The following ABR variants were observed in gnomAD, a reference collection of about 807,000 sequenced individuals.
The protein encoded by ABR is active breakpoint cluster region-related protein.
ABR carries 35 observed loss-of-function variants against 107.2 expected under a neutral mutation model. The observed-to-expected ratio is 0.33, with a 90% confidence interval of 0.25 to 0.43. The LOEUF is 0.43. ABR is among the 20% of genes least tolerant of loss of function. The probability of loss-of-function intolerance (pLI) is 1.00; values close to 1 mark genes in which losing one functional copy is unlikely to be tolerated. For synonymous variants in ABR, 498 were observed against 462.0 expected, an observed-to-expected ratio of 1.08 and a Z score of -1.00; for missense variants, 815 against 1,115.2, an observed-to-expected ratio of 0.73 and a Z score of 3.83.
At position 1,050,620 on chromosome 17, in the gene ABR, G is replaced by A. The variant is rs1182837322; in HGVS notation, c.1576C>T (p.Leu526=). 3.7e-6 allele frequency: 6 copies of A among 1,613,774 alleles called. No homozygotes were observed. The highest frequency in any genetic ancestry group is 5.1e-6 in the Non-Finnish European group (6 of 1,179,948). The change falls in exon 15 of 23, where the codon CTG becomes TTG. Residue 526 remains leucine (L), a synonymous_variant. Transcript: ENST00000302538. The surrounding 1 kb of genome is among the most constrained non-coding windows in gnomAD (Gnocchi z 4.6). ...AAATAGCCGAAGGAATCCACCTCCA[G>A]GGTACAGTACAGGTCTGTGGGGGAA... ...FKQSANLYCT[L]EVDSFGYFVS...
At chr17:1,101,537 G>T (rs1024728238) in intron 2 of ABR, among the ~76,000 whole-genome samples, 1 of 152,028 alleles carries the variant, frequency 6.6e-6, no homozygotes, top group Non-Finnish European at 1.5e-5. Context: ...CACCTTGCCC[G>T]ATGCTTGCCA....
chr17:1,097,365 C>T (rs906425654), intron 3 of ABR, among the ~76,000 whole-genome samples: 37 of 151,950 alleles, frequency 2.4e-4, no homozygotes, highest in Non-Finnish European at 3.8e-4. Flanking sequence ...CCGAGGCGGG[C>T]GGATCACTTG....
At chr17:1,115,858 C>T (rs2440742) in intron 2 of ABR, among the ~76,000 whole-genome samples, 5,334 of 150,478 alleles carry the variant, frequency 0.035, 320 homozygotes, top group African/African-American at 0.12. Context: ...CCCCGGGAGG[C>T]GGAAGCTGCA....
chr17:1,214,028 C>G (rs1246998488), intron 1 of ABR, among the ~76,000 whole-genome samples: 1 of 152,118 alleles, frequency 6.6e-6, no homozygotes, highest in Non-Finnish European at 1.5e-5. Flanking sequence ...GCTGGGATTA[C>G]AGGCGCCCGC....
chr17:1,136,589 A>G (rs978695250), intron 1 of ABR, among the ~76,000 whole-genome samples: 1 of 152,108 alleles, frequency 6.6e-6, no homozygotes, highest in African/African-American at 2.4e-5. Flanking sequence ...CTTCTGCACA[A>G]CTGGCCGCAG....
chr17:1,089,610 C>T (rs1175655902), intron 4 of ABR, among the ~76,000 whole-genome samples: 7 of 152,186 alleles, frequency 4.6e-5, no homozygotes, highest in East Asian at 3.9e-4. Context: ...GTCAAGGTCA[C>T]GGTGCATTCA....
intron 2 of ABR, among the ~76,000 whole-genome samples, chr17:1,121,897 GAGT>G (rs1409933659): frequency 1.3e-5 from 2 of 152,166 alleles, no homozygotes; most frequent in Non-Finnish European, 1.5e-5. Flanking sequence ...CACAGCTAAA[GAGT>G]AGATTTTCTT....
intron 16 of ABR, among the ~76,000 whole-genome samples, chr17:1,024,690 G>A (rs2072026254): frequency 6.6e-6 from 1 of 151,502 alleles, no homozygotes; most frequent in Non-Finnish European, 1.5e-5. Flanking sequence ...GGAGGCTGAG[G>A]TGGGAGGATT....
chr17:1,090,240 C>T (rs1009501014), intron 4 of ABR, among the ~76,000 whole-genome samples: 14 of 152,112 alleles, frequency 9.2e-5, no homozygotes, highest in Non-Finnish European at 1.6e-4. Context: ...CACAGAGGTG[C>T]GGGGAGGAAG....
chr17:1,089,371 C>A (rs900946478), intron 4 of ABR, among the ~76,000 whole-genome samples: 3 of 152,180 alleles, frequency 2.0e-5, no homozygotes, highest in African/African-American at 4.8e-5. Flanking sequence ...CAAAATCACC[C>A]AATGAGGTAA....
intron 16 of ABR, among the ~76,000 whole-genome samples, chr17:1,028,646 G>A (rs550782232): frequency 7.2e-5 from 11 of 152,304 alleles, no homozygotes; most frequent in South Asian, 2.1e-4. Flanking sequence ...CAGCAGTGCC[G>A]GTGTCCAGCT....
Position 1,079,406 on chromosome 17 carries a change from G to C in ABR, c.640-16C>G. On this transcript the variant is annotated splice_polypyrimidine_tract_variant and intron_variant, in intron 5 of 22. Coordinates refer to ENST00000302538, the MANE Select transcript of ABR (RefSeq NM_021962.5). ...CTTTGAGTTCCTGCCAAAGGGAGGA[G>C]AGGAGTCATGGCCTGTTCTGTCCCT... 6.2e-7 allele frequency: 1 copy of C among 1,610,262 alleles called. No individual in the cohort carries two copies. The highest frequency in any genetic ancestry group is 1.7e-5 in the Admixed American group (1 of 59,684).
intron 4 of ABR, chr17:1,083,857 G>A: frequency 2.0e-6 from 1 of 508,448 alleles, no homozygotes; most frequent in Non-Finnish European, 3.6e-6. Context: ...GGGGTCTGGG[G>A]TTGGGGAGAC....
chr17:1,201,200 G>A (rs1442898608), intron 1 of ABR, among the ~76,000 whole-genome samples: 1 of 152,206 alleles, frequency 6.6e-6, no homozygotes, highest in African/African-American at 2.4e-5. Flanking sequence ...CGGTGTCCAC[G>A]AGGCTGCTGC....
intron 16 of ABR, among the ~76,000 whole-genome samples, chr17:1,049,550 T>C (rs1366118125): frequency 6.6e-6 from 1 of 151,866 alleles, no homozygotes; most frequent in African/African-American, 2.4e-5. Flanking sequence ...CGCAGCTGAG[T>C]AAGGTCCGGC....
In ABR at chr17:1,150,142, G is replaced by C. The variant is rs548191465; in HGVS notation, c.62-24775C>G. ...GCCAGCTTGCCCGGTGTCTTCTCAA[G>C]GGCTGACACACTTCTCAAAGCGCTG... On this transcript the variant is annotated intron_variant, in intron 1 of 22. Transcript: ENST00000302538. This position sits in a 1 kb window ranked among gnomAD's most constrained non-coding sequence, Gnocchi z 4.8. Among the ~76,000 whole-genome samples, 1 of 151,572 alleles carries C rather than the reference G, an allele frequency of 6.6e-6. No individual in the cohort carries two copies. The highest frequency in any genetic ancestry group is 3.4e-3 in the Middle Eastern group (1 of 292).
chr17:1,124,641 G>T, intron 2 of ABR, among the ~76,000 whole-genome samples: 1 of 152,238 alleles, frequency 6.6e-6, no homozygotes, highest in East Asian at 1.9e-4. Flanking sequence ...CTTCTCTCTG[G>T]AGCAGAACTC....
At position 1,050,299 on chromosome 17, in the gene ABR, C is replaced by T. The variant is rs1184257667; in HGVS notation, c.1660-118G>A. ...GAGTAAGCACGGCCCACGAAGGACA[C>T]GTCAGATTTTCTGGAGCTCCCAGAG... On this transcript the variant is annotated intron_variant, in intron 15 of 22. Coordinates refer to ENST00000302538, the MANE Select transcript of ABR (RefSeq NM_021962.5). The surrounding 1 kb of genome is among the most constrained non-coding windows in gnomAD (Gnocchi z 4.6). 3.1e-5 allele frequency: 42 copies of T among 1,348,764 alleles called. No individual in the cohort carries two copies. The highest frequency in any genetic ancestry group is 9.6e-5 in the East Asian group (4 of 41,884). The allele number at this position is 1,348,764 out of a possible 1,614,324, so 83.5% of individuals were successfully genotyped here. A position where few individuals can be genotyped will look rare whatever the true frequency, so the allele number is the denominator to read the frequency against.
intron 1 of ABR, among the ~76,000 whole-genome samples, chr17:1,176,034 C>T (rs1006306130): frequency 1.3e-4 from 19 of 151,748 alleles, no homozygotes; most frequent in South Asian, 4.2e-4. Context: ...GAGCTTGCAG[C>T]GAGCTGAGAT....
Sources: gnomAD v4.1 joint callset for allele counts (sites outside exome capture counted in the v4.1 genomes callset) on GRCh38, gnomAD v4.1.1 for gene constraint, Gnocchi (gnomAD v3.1) non-coding constraint, MANE v1.5 for transcripts, NCBI Gene and HGNC (gene_info 2026-07-23, HGNC 2026-07-21) for gene names.